The following CRACDL variants were observed in gnomAD, a reference collection of about 807,000 sequenced individuals.
CRACDL encodes the protein CRACD like, also known as CRACD-like protein.
CRACDL carries 26 observed loss-of-function variants against 70.6 expected under a neutral mutation model. The observed-to-expected ratio is 0.37, with a 90% CI of 0.27 to 0.51. The LOEUF is 0.51. CRACDL is among the 20% of genes least tolerant of loss of function. The probability of loss-of-function intolerance (pLI) is 0.94; values close to 1 mark genes in which losing one functional copy is unlikely to be tolerated. For synonymous variants in CRACDL, 618 were observed against 615.2 expected, an observed-to-expected ratio of 1.00 and a Z score of -0.07; for missense variants, 1,283 against 1,376.9, an observed-to-expected ratio of 0.93 and a Z score of 1.08.
In CRACDL at chr2:98,822,108, A is replaced by G; in HGVS notation, c.2165T>C (p.Leu722Pro). Residue 722 changes from leucine (L) to proline (P), a missense_variant, in exon 7 of 10, where the codon CTC (leucine) becomes CCC (proline). Physicochemically the swap from Leu to Pro is moderately conservative, Grantham distance 98 (BLOSUM62 -3). This residue lies in a region of CRACDL where 921 missense variants were observed against 881.9 expected (regional missense o/e 1.04). Transcript: ENST00000397899. This position sits in a 1 kb window ranked among gnomAD's most constrained non-coding sequence, Gnocchi z 4.9. Reference sequence around the variant, plus strand: ...GAGGGGACACTTCTCCTCCTTCGGGAGCACGGTCAGCGACCTTTCTAACCG... The same window carrying G: ...GAGGGGACACTTCTCCTCCTTCGGGGGCACGGTCAGCGACCTTTCTAACCG... Reference protein sequence around the residue: ...EVRLERSLTVLPKEEKCPLGT... With the variant: ...EVRLERSLTVPPKEEKCPLGT... 6.3e-7 allele frequency: 1 copy of G among 1,576,132 alleles called. No individual in the cohort carries two copies.
At chr2:98,897,651 T>C (rs1708163222) in intron 1 of CRACDL, among the ~76,000 whole-genome samples, 1 of 152,230 alleles carries the variant, frequency 6.6e-6, no homozygotes, top group African/African-American at 2.4e-5. Flanking sequence ...AGACTCAAGT[T>C]ATAGTTTTTC....
intron 1 of CRACDL, chr2:98,897,364 T>A: frequency 7.7e-7 from 1 of 1,303,366 alleles, no homozygotes; most frequent in Non-Finnish European, 1.0e-6. Context: ...GCCTTGCTCC[T>A]CTTAGCACCT....
At chr2:98,836,119 G>T (rs892574637) in intron 3 of CRACDL, among the ~76,000 whole-genome samples, 17 of 152,296 alleles carry the variant, frequency 1.1e-4, no homozygotes, top group Middle Eastern at 3.4e-3. Flanking sequence ...GATCAATGAC[G>T]TGAAACAAAG....
At chr2:98,903,587 A>C (rs868721135) in intron 1 of CRACDL, among the ~76,000 whole-genome samples, 4 of 152,216 alleles carry the variant, frequency 2.6e-5, no homozygotes, top group African/African-American at 9.7e-5. Context: ...GGGCATGCGG[A>C]GGAGACAGAT....
intron 1 of CRACDL, among the ~76,000 whole-genome samples, chr2:98,888,576 T>A (rs1707857135): frequency 6.6e-6 from 1 of 151,994 alleles, no homozygotes; most frequent in Non-Finnish European, 1.5e-5. Context: ...CTGTTGAACA[T>A]CAAAGGAGCA....
Position 98,827,174 on chromosome 2 carries a change from G to A in CRACDL, c.541-5C>T, listed in dbSNP as rs757235229. 62 of 1,609,454 alleles carry A rather than the reference G, an allele frequency of 3.9e-5. 2 individuals are homozygous for A. In the Middle Eastern group the frequency reaches 6.6e-4, roughly 17 times the overall value. On this transcript the variant is annotated splice_polypyrimidine_tract_variant and splice_region_variant and intron_variant, in intron 5 of 9. Transcript: ENST00000397899. Reference sequence around the variant, plus strand: ...GTCTGGAGACACGACAGAGACCTTCGTGGGACAAGGAACAAACACACGGAG... The same window carrying A: ...GTCTGGAGACACGACAGAGACCTTCATGGGACAAGGAACAAACACACGGAG...
At chr2:98,913,501 G>A (rs1488056915) in intron 1 of CRACDL, among the ~76,000 whole-genome samples, 3 of 152,124 alleles carry the variant, frequency 2.0e-5, no homozygotes, top group Non-Finnish European at 4.4e-5. Context: ...TGTGGGGAAG[G>A]GCTCAGACAC....
intron 1 of CRACDL, chr2:98,869,214 C>A (rs1402582513): frequency 7.7e-7 from 1 of 1,300,268 alleles, no homozygotes. Context: ...GGCCTAGGGC[C>A]CACGGGTCAC....
At chr2:98,819,582 G>A (rs1241451650) in intron 7 of CRACDL, among the ~76,000 whole-genome samples, 1 of 152,210 alleles carries the variant, frequency 6.6e-6, no homozygotes, top group African/African-American at 2.4e-5. Context: ...AAGGCCACAT[G>A]TGTGGGCTCT....
intron 7 of CRACDL, among the ~76,000 whole-genome samples, chr2:98,820,511 G>A (rs1704983918): frequency 6.6e-6 from 1 of 152,188 alleles, no homozygotes; most frequent in Non-Finnish European, 1.5e-5. Context: ...TCCAGCCTGG[G>A]CAACAGAGTG....
chr2:98,811,281 G>A (rs763491413), intron 7 of CRACDL, among the ~76,000 whole-genome samples: 3 of 151,874 alleles, frequency 2.0e-5, no homozygotes, highest in African/African-American at 4.8e-5. Flanking sequence ...GGAGGCTGAG[G>A]TGGGCGGATC....
At chr2:98,889,134 A>AGG (rs1256650619) in intron 1 of CRACDL, among the ~76,000 whole-genome samples, 1 of 148,422 alleles carries the variant, frequency 6.7e-6, no homozygotes, top group Admixed American at 6.7e-5. Flanking sequence ...CAAAAAAAAA[A>AGG]GGGGGGGGAA....
At chr2:98,836,007 C>T (rs986834942) in intron 3 of CRACDL, among the ~76,000 whole-genome samples, 2 of 152,066 alleles carry the variant, frequency 1.3e-5, no homozygotes, top group African/African-American at 2.4e-5. Context: ...GAATGATGTA[C>T]CGGGAATTGG....
rs183130856 is a variant in CRACDL at position 98,823,787 on chromosome 2, C to T, written c.736-250G>A. ...ATGTCTACAGCTCCTCTGGCAGAGC[C>T]TCAAAACCAGTGGACTAGAGTAACG... On this transcript the variant is annotated intron_variant, in intron 6 of 9. Coordinates refer to ENST00000397899, the MANE Select transcript of CRACDL (RefSeq NM_207362.3). The surrounding 1 kb of genome is among the most constrained non-coding windows in gnomAD (Gnocchi z 4.0). Among the ~76,000 whole-genome samples the T allele has an allele frequency of 6.2e-3, 941 of 152,332 alleles. 6 individuals carry two copies. Among genetic ancestry groups the T allele is most frequent in the Middle Eastern group, 0.02 (6 of 294 alleles).
chr2:98,911,755 AC>A (rs1708552644), intron 1 of CRACDL, among the ~76,000 whole-genome samples: 1 of 151,820 alleles, frequency 6.6e-6, no homozygotes, highest in South Asian at 2.1e-4. Flanking sequence ...AAGCTGGGCC[AC>A]CCCGAGAACC....
At chr2:98,841,806 G>A (rs1348926571) in intron 2 of CRACDL, among the ~76,000 whole-genome samples, 1 of 152,096 alleles carries the variant, frequency 6.6e-6, no homozygotes, top group Non-Finnish European at 1.5e-5. Context: ...GACATTTAAT[G>A]GCAAAAACAG....
chr2:98,826,907 G>GC lies in CRACDL; in HGVS notation c.735+67_735+68insG, dbSNP rs1553555339. ...CCTGTGTGGGGGAGTGAGGCAGGTT[G>GC]GGGGGGGGCATAGGGGGGTGCCAAG... On this transcript the variant is annotated intron_variant, in intron 6 of 9. Transcript: ENST00000397899. The GC allele has an allele frequency of 2.3e-4, 234 of 1,008,964 alleles. 1 individual carries two copies. The highest frequency in any genetic ancestry group is 2.6e-4 in the Non-Finnish European group (199 of 753,672). The allele number at this position is 1,008,964 out of a possible 1,614,324, so 62.5% of individuals were successfully genotyped here. A position where few individuals can be genotyped will look rare whatever the true frequency, so the allele number is the denominator to read the frequency against.
rs747189355 is a variant in CRACDL, at chr2:98,838,301, A to G, written c.71-14T>C. The G allele has an allele frequency of 2.7e-6, 4 of 1,462,594 alleles. No homozygotes were observed. The highest frequency in any genetic ancestry group is 3.8e-6 in the Non-Finnish European group (4 of 1,063,428). 90.6% of individuals were successfully genotyped at this position (1,462,594 alleles called of 1,614,324 possible). Reference sequence around the variant, plus strand: ...ATTTTTTCTTTCCTATACAGATTAGAGAAAAAAATAATAAATAAGACTGTT... The same window carrying G: ...ATTTTTTCTTTCCTATACAGATTAGGGAAAAAAATAATAAATAAGACTGTT... On this transcript the variant is annotated splice_polypyrimidine_tract_variant and intron_variant, in intron 2 of 9. Coordinates refer to ENST00000397899, the MANE Select transcript of CRACDL (RefSeq NM_207362.3).
intron 1 of CRACDL, among the ~76,000 whole-genome samples, chr2:98,882,864 G>C (rs1477263734): frequency 6.6e-6 from 1 of 152,218 alleles, no homozygotes; most frequent in Non-Finnish European, 1.5e-5. Context: ...CAATCTCTAA[G>C]GCAGGTATCA....
Sources: allele counts gnomAD v4.1 joint callset (sites outside exome capture counted in the v4.1 genomes callset), GRCh38; gene constraint gnomAD v4.1.1; regional missense constraint gnomAD v4.1.1; non-coding constraint Gnocchi (gnomAD v3.1); transcripts MANE v1.5; gene names NCBI Gene and HGNC (gene_info 2026-07-23, HGNC 2026-07-21).